HAUS5: variants seen among roughly 807,000 people sequenced by gnomAD.
HAUS5 encodes the protein HAUS augmin-like complex subunit 5.
Under a neutral mutation model 94.1 loss-of-function variants are expected in HAUS5, and 67 were observed. The observed-to-expected ratio is 0.71, with a 90% CI of 0.58 to 0.87. HAUS5 has a LOEUF of 0.87. Among genes scored for constraint, HAUS5 ranks in the 40% least tolerant of loss-of-function variants. The pLI, the probability that HAUS5 is intolerant of heterozygous loss-of-function variation, is 0.00. For missense variants in HAUS5, 739 were observed against 825.6 expected (o/e 0.90, Z 1.29); for synonymous variants, 339 against 355.4 (o/e 0.95, Z 0.52).
Position 35,619,032 on chromosome 19 carries a change from C to T in HAUS5, c.1162C>T (p.His388Tyr), listed in dbSNP as rs771731481. ...ELQAKQQRIL[H>Y]WRQLVEETQE... ...ACAGGCCAAACAGCAGCGGATCCTG[C>T]ACTGGCGCCAGCTGGTGGTGAGAGG... Residue 388 changes from histidine (H) to tyrosine (Y), a missense_variant, in exon 13 of 19, where the codon CAC becomes TAC. Physicochemically the swap from His to Tyr is moderately conservative, Grantham distance 83. Transcript: ENST00000203166. 4 of 1,596,202 alleles carry T rather than the reference C, an allele frequency of 2.5e-6. No homozygotes were observed. The highest frequency in any genetic ancestry group is 3.4e-6 in the Non-Finnish European group (4 of 1,172,348).
At chr19:35,619,855 G>A (rs2146340011) in intron 15 of HAUS5, 97 bp downstream of exon 15, 1 of 1,518,192 alleles carries the variant, frequency 6.6e-7, no homozygotes. Context: ...CAGACCCCCA[G>A]TGTTCCCAGG....
At chr19:35,620,977 G>A (rs903958203) in intron 17 of HAUS5, among the ~76,000 whole-genome samples, 1 of 152,226 alleles carries the variant, frequency 6.6e-6, no homozygotes, top group African/African-American at 2.4e-5. Flanking sequence ...GGTTAGAGAA[G>A]TCATTCATTC....
intron 1 of HAUS5, among the ~76,000 whole-genome samples, chr19:35,613,102 C>A (rs866224031): frequency 6.6e-6 from 1 of 152,164 alleles, no homozygotes; most frequent in Non-Finnish European, 1.5e-5. Flanking sequence ...GACCTCGCTC[C>A]TTATGGAAAT....
intron 10 of HAUS5, 56 bp from the exon 11 acceptor site, chr19:35,618,346 G>C (rs896361693): frequency 1.2e-6 from 2 of 1,608,798 alleles, no homozygotes; most frequent in African/African-American, 2.7e-5. Flanking sequence ...GTCCACCCTC[G>C]AGTACCAAGG....
intron 4 of HAUS5, among the ~76,000 whole-genome samples, chr19:35,614,503 G>A (rs982217885): frequency 6.6e-5 from 10 of 152,210 alleles, no homozygotes. Flanking sequence ...AGAATCGCTT[G>A]AACCTGGGAG....
intron 6 of HAUS5, among the ~76,000 whole-genome samples, chr19:35,615,679 A>G (rs1188780940): frequency 1.3e-5 from 2 of 152,228 alleles, no homozygotes; most frequent in African/African-American, 4.8e-5. Flanking sequence ...GTAAAGTAGG[A>G]ACCAAACAGA....
chr19:35,617,615 A>C (rs2071956004), intron 8 of HAUS5, among the ~76,000 whole-genome samples: 1 of 151,928 alleles, frequency 6.6e-6, no homozygotes, highest in African/African-American at 2.4e-5. Context: ...CCCAGCTAAG[A>C]AGGCAGGGAG....
intron 17 of HAUS5, among the ~76,000 whole-genome samples, chr19:35,620,667 T>C (rs1967196356): frequency 6.6e-6 from 1 of 152,196 alleles, no homozygotes; most frequent in Non-Finnish European, 1.5e-5. Flanking sequence ...CGTCACATAG[T>C]ATACCTCAGC....
At chr19:35,622,323 C>T (rs950336541) in intron 17 of HAUS5, among the ~76,000 whole-genome samples, 2 of 150,058 alleles carry the variant, frequency 1.3e-5, no homozygotes, top group Non-Finnish European at 3.0e-5. Context: ...TGGGCTCTCA[C>T]GGGGAGGGAG....
intron 4 of HAUS5, chr19:35,614,276 C>T (rs1050762208): frequency 3.3e-6 from 2 of 604,568 alleles, no homozygotes; most frequent in Non-Finnish European, 5.9e-6. Flanking sequence ...GGGAGGCTCA[C>T]CTGAGGCCTC....
rs758178798 is a variant in HAUS5, at chr19:35,618,699, G to A, written c.1016G>A (p.Arg339Lys). The change falls in exon 12 of 19, where the codon AGG becomes AAG. Residue 339 changes from arginine (R) to lysine (K), a missense_variant and splice_region_variant. By Grantham distance (26) the Arg-to-Lys change is conservative. Coordinates refer to ENST00000203166, the MANE Select transcript of HAUS5 (RefSeq NM_015302.2). ...AGACGCGTCCTGGGATCCAGTGAGA[G>A]GTGGGGGGCTCTCCGAGAAGAGGTC... ...VERRVLGSSE[R>K]QVLILGLRRC... is the part of the protein sequence containing the mutation. 1 of 1,582,548 alleles carries A rather than the reference G, an allele frequency of 6.3e-7. No homozygotes were observed. The highest frequency in any genetic ancestry group is 2.3e-5 in the East Asian group (1 of 44,392).
Position 35,618,137 on chromosome 19 carries a change from G to A in HAUS5, c.763G>A (p.Glu255Lys). The A allele has an allele frequency of 6.2e-7, 1 of 1,610,624 alleles. No individual in the cohort carries two copies. The highest frequency in any genetic ancestry group is 8.5e-7 in the Non-Finnish European group (1 of 1,177,640). Reference protein sequence around the residue: ...AALEHLAAEREAEIRSLCSGD... With the variant: ...AALEHLAAERKAEIRSLCSGD... ...CTTGGAGCACCTGGCTGCAGAGCGG[G>A]AGGCAGAGATTCGGTCCCTGTGCAG... Residue 255 changes from glutamate (E) to lysine (K), a missense_variant, in exon 10 of 19, where the codon GAG becomes AAG. Physicochemically the swap from Glu to Lys is moderately conservative, Grantham distance 56 (BLOSUM62 1). Transcript: ENST00000203166.
At position 35,618,183 on chromosome 19, in the gene HAUS5, CAG is replaced by C. The variant is rs1225572230; in HGVS notation, c.813_814del (p.Glu271AspfsTer67). ...TGCAGTGGGGATGGGCTTGGCGACA[CAG>C]AGATATCCAGGTGTGGGGCAGGGTA... is the stretch of plus-strand genomic sequence containing the variant. On this transcript the variant is annotated frameshift_variant, in exon 10 of 19. Coordinates refer to ENST00000203166, the MANE Select transcript of HAUS5 (RefSeq NM_015302.2). LOFTEE classifies it high-confidence loss of function. 7.5e-6 allele frequency: 12 copies of C among 1,601,520 alleles called. No individual in the cohort carries two copies. The highest frequency in any genetic ancestry group is 1.0e-5 in the Non-Finnish European group (12 of 1,171,770).
At chr19:35,619,842 C>T (rs1967178571) in intron 15 of HAUS5, 84 bp downstream of exon 15, 2 of 1,508,158 alleles carry the variant, frequency 1.3e-6, no homozygotes, top group East Asian at 2.4e-5. Flanking sequence ...AAAAAGATAA[C>T]CCCAGACCCC....
At chr19:35,619,985 C>A (rs1967180576) in intron 15 of HAUS5, 27 bp from the exon 16 acceptor site, 1 of 1,606,942 alleles carries the variant, frequency 6.2e-7, no homozygotes, top group Non-Finnish European at 8.5e-7. Context: ...CAGTCCCCAC[C>A]CAACCCAGAC....
intron 18 of HAUS5, 70 bp from the exon 19 acceptor site, chr19:35,622,806 C>T (rs921033525): frequency 6.2e-7 from 1 of 1,607,530 alleles, no homozygotes; most frequent in Non-Finnish European, 8.5e-7. Flanking sequence ...TGAGAAGGAG[C>T]AGGCCATGGT....
At chr19:35,619,565 G>T in intron 14 of HAUS5, 48 bp from the exon 15 acceptor site, 1 of 1,599,928 alleles carries the variant, frequency 6.3e-7, no homozygotes, top group South Asian at 1.1e-5. Flanking sequence ...GGGGCTGGGT[G>T]GACTTGTGAT....
Position 35,618,605 on chromosome 19 carries a change from C to T in HAUS5, c.922C>T (p.Arg308Trp), listed in dbSNP as rs774820509. 6.2e-6 allele frequency: 10 copies of T among 1,606,546 alleles called. No homozygotes were observed. Among genetic ancestry groups the T allele is most frequent in the Middle Eastern group, 1.7e-4 (1 of 6,030 alleles). ...WRTVGVLVSQ[R>W]STLLKERQVL... is the part of the protein sequence containing the mutation. ...GACTGTGGGTGTGCTGGTCTCCCAGCGGAGCACCCTCCTGAAGGAGCGGCA... is the reference window on the plus strand; with the variant it reads ...GACTGTGGGTGTGCTGGTCTCCCAGTGGAGCACCCTCCTGAAGGAGCGGCA... The change falls in exon 12 of 19, where the codon CGG (arginine) becomes TGG (tryptophan). Residue 308 changes from arginine to tryptophan, a missense_variant. By Grantham distance (101) the Arg-to-Trp change is moderately radical. Transcript: ENST00000203166.
intron 17 of HAUS5, among the ~76,000 whole-genome samples, chr19:35,620,931 T>G (rs1488426543): frequency 6.6e-6 from 1 of 152,158 alleles, no homozygotes; most frequent in East Asian, 1.9e-4. Context: ...GGAAAGGGAC[T>G]TTTAAGAACC....
Sources: gnomAD v4.1 joint callset for allele counts (sites outside exome capture counted in the v4.1 genomes callset) on GRCh38, gnomAD v4.1.1 for gene constraint, MANE v1.5 for transcripts, NCBI Gene and HGNC (gene_info 2026-07-23, HGNC 2026-07-21) for gene names.